The following PRKG1 variants were observed in gnomAD, a reference collection of about 807,000 sequenced individuals.
PRKG1 encodes the protein cGMP-dependent protein kinase 1.
Under a neutral mutation model 88.1 loss-of-function variants are expected in PRKG1, and 35 were observed. The ratio of observed to expected loss-of-function variants is 0.40; its 90% CI spans 0.30 to 0.53. The LOEUF (loss-of-function observed/expected upper bound fraction) is 0.53. Ranked by LOEUF, PRKG1 falls within the 20% of genes least tolerant of loss-of-function variation. The pLI, the probability that PRKG1 is intolerant of heterozygous loss-of-function variation, is 0.59. For missense variants in PRKG1, 540 were observed against 839.8 expected, an observed-to-expected ratio of 0.64 and a Z score of 4.41; for synonymous variants, 303 against 292.5, an observed-to-expected ratio of 1.04 and a Z score of -0.37.
At chr10:51,411,134 G>GAACTAC (rs1224473007) in intron 2 of PRKG1, among the ~76,000 whole-genome samples, 2 of 152,084 alleles carry the variant, frequency 1.3e-5, no homozygotes, top group Non-Finnish European at 2.9e-5. Flanking sequence ...CAAGGAGCTT[G>GAACTAC]AACTACAGGT....
At chr10:51,749,053 G>T (rs1387103502) in intron 3 of PRKG1, among the ~76,000 whole-genome samples, 3 of 152,174 alleles carry the variant, frequency 2.0e-5, no homozygotes, top group East Asian at 1.9e-4. Context: ...TAATGAACTT[G>T]CATAGAAGTG....
chr10:52,153,783 TTG>T (rs1838007340), intron 8 of PRKG1, among the ~76,000 whole-genome samples: 2 of 152,212 alleles, frequency 1.3e-5, no homozygotes, highest in Non-Finnish European at 1.5e-5. Flanking sequence ...TTCGCTCTTG[TTG>T]CCCAGGCTGG....
At chr10:51,715,487 C>A (rs1841863973) in intron 3 of PRKG1, among the ~76,000 whole-genome samples, 1 of 152,110 alleles carries the variant, frequency 6.6e-6, no homozygotes, top group African/African-American at 2.4e-5. Context: ...CTTTGAGAAA[C>A]CCTTCATTTG....
intron 1 of PRKG1, among the ~76,000 whole-genome samples, chr10:51,088,807 GA>G (rs1468855338): frequency 2.5e-5 from 3 of 118,632 alleles, no homozygotes; most frequent in African/African-American, 3.8e-5. Flanking sequence ...TATTTAATAT[GA>G]TTTTTTTTTT....
chr10:51,953,093 C>T (rs1189192430), intron 5 of PRKG1, among the ~76,000 whole-genome samples: 1 of 152,078 alleles, frequency 6.6e-6, no homozygotes, highest in Non-Finnish European at 1.5e-5. Context: ...AATTTGTTAG[C>T]AATCAAGAGT....
At chr10:51,830,200 C>A (rs915470921) in intron 4 of PRKG1, among the ~76,000 whole-genome samples, 1 of 152,112 alleles carries the variant, frequency 6.6e-6, no homozygotes, top group Non-Finnish European at 1.5e-5. Flanking sequence ...AACTTTCCAC[C>A]ATATAACAGC....
At chr10:51,307,975 A>G (rs1841081363) in intron 2 of PRKG1, among the ~76,000 whole-genome samples, 1 of 152,184 alleles carries the variant, frequency 6.6e-6, no homozygotes, top group Admixed American at 6.6e-5. Flanking sequence ...ATGTCTATTG[A>G]GCTCCACCTT....
intron 3 of PRKG1, among the ~76,000 whole-genome samples, chr10:51,603,460 G>A (rs1402491346): frequency 6.6e-6 from 1 of 152,284 alleles, no homozygotes; most frequent in Middle Eastern, 3.4e-3. Context: ...AGAGGATAGG[G>A]AAAGCGCTAT....
At chr10:52,024,245 C>A (rs897703219) in intron 5 of PRKG1, among the ~76,000 whole-genome samples, 3 of 151,910 alleles carry the variant, frequency 2.0e-5, no homozygotes, top group African/African-American at 7.3e-5. Flanking sequence ...CATCAAGCTA[C>A]CATTAACTTT....
chr10:51,990,024 T>C (rs554515998), intron 5 of PRKG1, among the ~76,000 whole-genome samples: 95 of 152,270 alleles, frequency 6.2e-4, no homozygotes, highest in African/African-American at 2.2e-3. Context: ...GAATAGGGTC[T>C]AATTTTATGC....
intron 2 of PRKG1, among the ~76,000 whole-genome samples, chr10:51,396,165 C>T (rs1029105400): frequency 2.0e-5 from 3 of 151,964 alleles, no homozygotes; most frequent in South Asian, 2.1e-4. Flanking sequence ...GTGGGTGGAT[C>T]GCTTGAGGCC....
intron 2 of PRKG1, among the ~76,000 whole-genome samples, chr10:51,436,117 A>G (rs1838920120): frequency 2.0e-5 from 3 of 151,896 alleles, no homozygotes; most frequent in African/African-American, 7.3e-5. Context: ...TCTGTAAAAC[A>G]AAGGCAATGA....
intron 3 of PRKG1, among the ~76,000 whole-genome samples, chr10:51,784,041 T>C (rs149292402): frequency 6.6e-6 from 1 of 152,110 alleles, no homozygotes; most frequent in African/African-American, 2.4e-5. Flanking sequence ...TTCATTATAT[T>C]TGGTTGCTGC....
chr10:51,668,223 T>C (rs527470724), intron 3 of PRKG1, among the ~76,000 whole-genome samples: 5 of 152,288 alleles, frequency 3.3e-5, no homozygotes, highest in African/African-American at 9.6e-5. Context: ...TGAGTCTAAA[T>C]TGGCATTCTG....
At chr10:51,160,419 T>A (rs1244029284) in intron 2 of PRKG1, among the ~76,000 whole-genome samples, 1 of 152,194 alleles carries the variant, frequency 6.6e-6, no homozygotes. Context: ...TATAAACATG[T>A]TCAGTAATTT....
At position 52,118,742 on chromosome 10, in the gene PRKG1, G is replaced by A. The variant is rs148172979; in HGVS notation, c.936-15098G>A. On this transcript the variant is annotated intron_variant, in intron 7 of 17. Transcript: ENST00000373980. ...GCTTTTGAGTCACAGTTAATATTTAGTGTGAGTAAAATTATACCATGGTAG... is the reference window on the plus strand; with the variant it reads ...GCTTTTGAGTCACAGTTAATATTTAATGTGAGTAAAATTATACCATGGTAG... 1.3e-3 allele frequency among the ~76,000 whole-genome samples: 195 copies of A among 151,900 alleles called. 1 individual carries two copies. Among genetic ancestry groups the A allele is most frequent in the African/African-American group, 4.5e-3 (185 of 41,480 alleles).
chr10:51,756,888 A>G (rs1348763322), intron 3 of PRKG1, among the ~76,000 whole-genome samples: 2 of 151,970 alleles, frequency 1.3e-5, no homozygotes, highest in Admixed American at 1.3e-4. Context: ...TAGACATTGC[A>G]TGCTACAGGG....
rs538720045 is a variant in PRKG1 at position 51,181,748 on chromosome 10, A to G, written c.478+28418A>G. Among the ~76,000 whole-genome samples the G allele has an allele frequency of 2.6e-5, 4 of 152,310 alleles. No homozygotes were observed. The South Asian group carries it at 8.3e-4, about 32-fold the overall frequency. On this transcript the variant is annotated intron_variant, in intron 2 of 17. Transcript: ENST00000373980. ...TAGGTTCTATTATATTCATGTTACA[A>G]ATGAGGAAATTGAGGATCAGGTTGT...
chr10:51,757,157 AG>A (rs1180812187), intron 3 of PRKG1, among the ~76,000 whole-genome samples: 4 of 151,958 alleles, frequency 2.6e-5, no homozygotes, highest in Non-Finnish European at 4.4e-5. Flanking sequence ...GCTGGAGTGT[AG>A]TGGCACAGTC....
Sources: gnomAD v4.1 joint callset for allele counts (sites outside exome capture counted in the v4.1 genomes callset) on GRCh38, gnomAD v4.1.1 for gene constraint, MANE v1.5 for transcripts, NCBI Gene and HGNC (gene_info 2026-07-23, HGNC 2026-07-21) for gene names.